The following MYH10 variants were observed in gnomAD, a reference collection of about 807,000 sequenced individuals.
MYH10 encodes the protein myosin heavy chain 10.
Under a neutral mutation model 257.8 loss-of-function variants are expected in MYH10, and 55 were observed. The observed-to-expected ratio is 0.21, with a 90% confidence interval of 0.17 to 0.27. The LOEUF (loss-of-function observed/expected upper bound fraction) is 0.27. Ranked by LOEUF, MYH10 falls within the 10% of genes least tolerant of loss-of-function variation. The probability of loss-of-function intolerance (pLI) is 1.00; values close to 1 mark genes in which losing one functional copy is unlikely to be tolerated. For missense variants in MYH10, 1,631 were observed against 2,500.6 expected (o/e 0.65, Z 7.42); for synonymous variants, 854 against 921.7 (o/e 0.93, Z 1.33).
intron 14 of MYH10, among the ~76,000 whole-genome samples, chr17:8,541,322 G>C (rs1045466369): frequency 6.6e-6 from 1 of 152,206 alleles, no homozygotes; most frequent in Non-Finnish European, 1.5e-5. Context: ...TACTTAACTA[G>C]TGTTAGAGCT....
At chr17:8,616,038 C>T (rs968707679) in intron 2 of MYH10, among the ~76,000 whole-genome samples, 1 of 152,202 alleles carries the variant, frequency 6.6e-6, no homozygotes, top group Admixed American at 6.5e-5. Flanking sequence ...AATCCCAACA[C>T]TTTGGGAGGC....
chr17:8,534,135 G>C (rs1257274976), intron 16 of MYH10, among the ~76,000 whole-genome samples: 1 of 152,200 alleles, frequency 6.6e-6, no homozygotes, highest in African/African-American at 2.4e-5. Context: ...TGAGGATACT[G>C]TAAGTTCTAT....
intron 16 of MYH10, among the ~76,000 whole-genome samples, chr17:8,531,675 GCCA>G (rs1396855521): frequency 1.3e-5 from 2 of 151,704 alleles, no homozygotes; most frequent in East Asian, 3.9e-4. Context: ...ACAGGCGTGA[GCCA>G]CCGTGCCCAG....
chr17:8,511,368 A>G (rs2081289224), intron 24 of MYH10, among the ~76,000 whole-genome samples: 1 of 152,020 alleles, frequency 6.6e-6, no homozygotes, highest in Non-Finnish European at 1.5e-5. Flanking sequence ...AAAAATACAA[A>G]AATTAGCTGG....
At chr17:8,556,554 G>A (rs1419758692) in intron 7 of MYH10, among the ~76,000 whole-genome samples, 1 of 152,212 alleles carries the variant, frequency 6.6e-6, no homozygotes, top group Non-Finnish European at 1.5e-5. Flanking sequence ...TACTTGACAT[G>A]CCAGACGTTA....
intron 23 of MYH10, 103 bp from the exon 24 acceptor site, chr17:8,512,760 G>T (rs1482332863): frequency 1.2e-6 from 1 of 858,862 alleles, no homozygotes; most frequent in African/African-American, 1.7e-5. Context: ...GAAACTGGGA[G>T]ATAAAAATAT....
chr17:8,510,274 C>A (rs1324300726), intron 24 of MYH10, among the ~76,000 whole-genome samples: 2 of 151,894 alleles, frequency 1.3e-5, no homozygotes, highest in African/African-American at 2.4e-5. Context: ...GATCTCCTGA[C>A]CTCATGATCC....
Position 8,488,579 on chromosome 17 carries a change from A to G in MYH10, c.4885-985T>C, listed in dbSNP as rs1157618663. Among the ~76,000 whole-genome samples, 4 of 152,348 alleles carry G rather than the reference A, an allele frequency of 2.6e-5. 1 individual carries two copies. The highest frequency in any genetic ancestry group is 3.4e-3 in the Middle Eastern group (1 of 294). On this transcript the variant is annotated intron_variant, in intron 35 of 42. Transcript: ENST00000360416. ...AGCTGGAGGCTCAGCGAGCAAAGAA[A>G]GGTCCCTGCCTTCACAACCTTCCGC...
At chr17:8,503,088 G>A (rs1352415149) in intron 28 of MYH10, among the ~76,000 whole-genome samples, 1 of 152,142 alleles carries the variant, frequency 6.6e-6, no homozygotes, top group Non-Finnish European at 1.5e-5. Context: ...TTTGCGACCA[G>A]CCTGACTAAC....
chr17:8,546,470 T>A (rs912521195), intron 12 of MYH10, 74 bp downstream of exon 12: 165 of 1,180,450 alleles, frequency 1.4e-4, no homozygotes, highest in Non-Finnish European at 1.9e-4. Context: ...GTTTGTTACA[T>A]GTCAATCAGA....
In MYH10 at chr17:8,503,846, C is replaced by T. The variant is rs571876746; in HGVS notation, c.3599+848G>A. Among the ~76,000 whole-genome samples, 5 of 152,338 alleles carry T rather than the reference C, an allele frequency of 3.3e-5. No individual in the cohort carries two copies. In the East Asian group the frequency reaches 9.6e-4, roughly 29 times the overall value. ...AAGAGCCAGCAGGTGTGCCTGCAGCCAGCCAAGGCACGAGGGTTCCCTTCT... is the reference window on the plus strand; with the variant it reads ...AAGAGCCAGCAGGTGTGCCTGCAGCTAGCCAAGGCACGAGGGTTCCCTTCT... On this transcript the variant is annotated intron_variant, in intron 28 of 42. Coordinates refer to ENST00000360416, the MANE Select transcript of MYH10 (RefSeq NM_001256012.3).
At chr17:8,619,065 C>T (rs1210808158) in intron 2 of MYH10, among the ~76,000 whole-genome samples, 1 of 152,168 alleles carries the variant, frequency 6.6e-6, no homozygotes, top group Non-Finnish European at 1.5e-5. Flanking sequence ...TAGCTTGCAA[C>T]TCAAATAACT....
chr17:8,550,583 G>A (rs535960166), intron 9 of MYH10, among the ~76,000 whole-genome samples: 17 of 151,880 alleles, frequency 1.1e-4, no homozygotes, highest in Middle Eastern at 3.4e-3. Context: ...CTGCCTGGCC[G>A]CCCCTACTGG....
chr17:8,518,480 A>G (rs962408107), intron 21 of MYH10, 151 bp downstream of exon 21: 2 of 763,398 alleles, frequency 2.6e-6, no homozygotes, highest in South Asian at 3.7e-5. Context: ...TAGAATGTTC[A>G]TGTATTTACC....
intron 16 of MYH10, among the ~76,000 whole-genome samples, chr17:8,531,628 C>T (rs1022582484): frequency 6.6e-6 from 1 of 150,576 alleles, no homozygotes; most frequent in Admixed American, 6.7e-5. Flanking sequence ...TGGGGTCAAG[C>T]GATCCTTCTG....
intron 3 of MYH10, among the ~76,000 whole-genome samples, chr17:8,592,954 T>TATATATATATATATATATAA (rs2084221442): frequency 8.7e-6 from 1 of 114,694 alleles, no homozygotes; most frequent in Admixed American, 9.1e-5. Context: ...TATATATATA[T>TATATATATATATATATATAA]ATATATATAT....
chr17:8,479,305 G>A (rs1433267833), intron 40 of MYH10, among the ~76,000 whole-genome samples: 4 of 152,160 alleles, frequency 2.6e-5, no homozygotes, highest in Non-Finnish European at 4.4e-5. Context: ...GTTTCCAGAT[G>A]CATCTACGTC....
In MYH10 at chr17:8,569,862, A is replaced by G. The variant is rs750554805; in HGVS notation, c.664-50T>C. 9 of 1,392,830 alleles carry G rather than the reference A, an allele frequency of 6.5e-6. No homozygotes were observed. The highest frequency in any genetic ancestry group is 4.0e-5 in the Admixed American group (2 of 50,404). The allele number at this position is 1,392,830 out of a possible 1,614,324, so 86.3% of individuals were successfully genotyped here. ...ATAAAAGCAGATGTACGTTAATCTA[A>G]TGTCTTTACTCAAGTCATCAGGGGA... On this transcript the variant is annotated intron_variant, in intron 6 of 42. Coordinates refer to ENST00000360416, the MANE Select transcript of MYH10 (RefSeq NM_001256012.3). This position sits in a 1 kb window ranked among gnomAD's most constrained non-coding sequence, Gnocchi z 4.1.
In MYH10 at chr17:8,492,488, T is replaced by C. The variant is rs781664456; in HGVS notation, c.4480A>G (p.Ile1494Val). 1 of 1,611,912 alleles carries C rather than the reference T, an allele frequency of 6.2e-7. No individual in the cohort carries two copies. Among genetic ancestry groups the C allele is most frequent in the Admixed American group, 1.7e-5 (1 of 60,014 alleles). Residue 1494 changes from isoleucine to valine, a missense_variant, in exon 34 of 43, where the codon ATC (isoleucine) becomes GTC (valine). Around this residue, in one of 11 missense-constraint regions of MYH10, gnomAD observed 463 missense variants for 621.8 expected, o/e 0.74. Transcript: ENST00000360416. Reference protein sequence around the residue: ...FDQLLAEEKSISARYAEERDR... With the variant: ...FDQLLAEEKSVSARYAEERDR... ...CGCTCTTCGGCATAGCGAGCAGAGA[T>C]GCTCTTCTCTTCTGCTAACAGCTGT...
Sources: gnomAD v4.1 joint callset for allele counts (sites outside exome capture counted in the v4.1 genomes callset) on GRCh38, gnomAD v4.1.1 for gene constraint, gnomAD v4.1.1 regional missense constraint, Gnocchi (gnomAD v3.1) non-coding constraint, MANE v1.5 for transcripts, NCBI Gene and HGNC (gene_info 2026-07-23, HGNC 2026-07-21) for gene names.